DYM: variants seen among roughly 807,000 people sequenced by gnomAD.
The protein encoded by DYM is dyggve-Melchior-Clausen syndrome protein.
DYM carries 78 observed loss-of-function variants against 93.1 expected under a neutral mutation model. That is an observed-to-expected ratio of 0.84 (90% confidence interval 0.70 to 1.01). The LOEUF is 1.01. Ranked by LOEUF, DYM falls within the 50% of genes least tolerant of loss-of-function variation. The probability of loss-of-function intolerance (pLI) is 0.00; values close to 1 mark genes in which losing one functional copy is unlikely to be tolerated. For synonymous variants in DYM, 321 were observed against 319.7 expected, an observed-to-expected ratio of 1.00 and a Z score of -0.04; for missense variants, 789 against 845.0, an observed-to-expected ratio of 0.93 and a Z score of 0.82.
rs10445490 is a variant in DYM at position 49,283,848 on chromosome 18, G to T, written c.947-1673C>A. Reference sequence around the variant, plus strand: ...CTTCCTAAGCTTTACATTTGTGAGGGGAATGCACCAAAATGCCTTCAGGTT... The same window carrying T: ...CTTCCTAAGCTTTACATTTGTGAGGTGAATGCACCAAAATGCCTTCAGGTT... On this transcript the variant is annotated intron_variant, in intron 9 of 17. Coordinates refer to ENST00000675505, the MANE Select transcript of DYM (RefSeq NM_001353214.3). 3.3e-5 allele frequency among the ~76,000 whole-genome samples: 5 copies of T among 152,084 alleles called. No homozygotes were observed. The East Asian group carries it at 9.7e-4, about 29-fold the overall frequency.
intron 9 of DYM, among the ~76,000 whole-genome samples, chr18:49,284,400 A>G (rs979991994): frequency 1.3e-5 from 2 of 152,162 alleles, no homozygotes; most frequent in African/African-American, 2.4e-5. Context: ...ATTTTGCTTC[A>G]TTGTACTACA....
chr18:49,272,165 AATGGTAACTTACCACTTC>A lies in DYM; in HGVS notation c.1246_1251+12del. ...TGTTAACTCTAACTCTAATCCAAGT[AATGGTAACTTACCACTTC>A]ATGAATGGATCTGTTGAAGCCATCA... is the stretch of plus-strand genomic sequence containing the variant. On this transcript the variant is annotated splice_donor_variant and splice_donor_5th_base_variant and coding_sequence_variant and intron_variant, in exon 11 of 18. Transcript: ENST00000675505. LOFTEE classifies it high-confidence loss of function. 1.2e-6 allele frequency: 2 copies of A among 1,611,308 alleles called. No individual in the cohort carries two copies. The highest frequency in any genetic ancestry group is 2.2e-5 in the South Asian group (2 of 90,994).
At chr18:49,084,877 A>T (rs1422027964) in intron 17 of DYM, among the ~76,000 whole-genome samples, 2 of 152,224 alleles carry the variant, frequency 1.3e-5, no homozygotes, top group Non-Finnish European at 2.9e-5. Context: ...CAGATGGTAA[A>T]ATTATGAAGA....
chr18:49,123,359 T>C (rs1394293525), intron 15 of DYM, among the ~76,000 whole-genome samples: 1 of 152,200 alleles, frequency 6.6e-6, no homozygotes, highest in East Asian at 1.9e-4. Flanking sequence ...AAGACAGTAC[T>C]GGCCGGGTTT....
At chr18:49,050,529 G>A (rs1261868729) in intron 17 of DYM, among the ~76,000 whole-genome samples, 3 of 152,056 alleles carry the variant, frequency 2.0e-5, no homozygotes, top group East Asian at 1.9e-4. Context: ...CTGTAAGATC[G>A]TGCAGCACGT....
intron 2 of DYM, among the ~76,000 whole-genome samples, chr18:49,409,200 C>G (rs2071894199): frequency 1.3e-5 from 2 of 149,834 alleles, no homozygotes; most frequent in Admixed American, 1.3e-4. Context: ...AGGAGAATCA[C>G]TTGAACCTGG....
At chr18:49,441,578 A>G (rs1431904787) in intron 1 of DYM, among the ~76,000 whole-genome samples, 4 of 150,972 alleles carry the variant, frequency 2.6e-5, no homozygotes, top group Non-Finnish European at 5.9e-5. Context: ...ACAGTTGGGT[A>G]TTCCCCGCCC....
rs180741786 is a variant in DYM at position 49,103,072 on chromosome 18, C to A, written c.1912-5557G>T. ...TCCTATTTCTCCACACCCTCCCCAG[C>A]ACCTGTTGTTTCCTGACTTTTTAAT... is the stretch of plus-strand genomic sequence containing the variant. On this transcript the variant is annotated intron_variant, in intron 16 of 17. Coordinates refer to ENST00000675505, the MANE Select transcript of DYM (RefSeq NM_001353214.3). Among the ~76,000 whole-genome samples, 412 of 152,322 alleles carry A rather than the reference C, an allele frequency of 2.7e-3. 10 individuals carry two copies. Among genetic ancestry groups the A allele is most frequent in the Admixed American group, 0.022 (340 of 15,304 alleles).
intron 5 of DYM, among the ~76,000 whole-genome samples, chr18:49,366,914 G>C (rs1450222412): frequency 6.6e-6 from 1 of 152,038 alleles, no homozygotes; most frequent in Non-Finnish European, 1.5e-5. Flanking sequence ...ATTAGAGTAA[G>C]GGGCAGAAAC....
chr18:49,253,240 T>G (rs976099309), intron 13 of DYM, among the ~76,000 whole-genome samples: 1 of 152,256 alleles, frequency 6.6e-6, no homozygotes, highest in Non-Finnish European at 1.5e-5. Context: ...ATCATGTATA[T>G]GAAAACTGCT....
chr18:49,272,554 AAGGACCAT>A (rs2094733547), intron 10 of DYM, among the ~76,000 whole-genome samples: 1 of 152,158 alleles, frequency 6.6e-6, no homozygotes. Context: ...TTGGATCTGC[AAGGACCAT>A]TTAGGCTCGT....
chr18:49,324,430 T>C (rs1302991664), intron 8 of DYM, among the ~76,000 whole-genome samples: 1 of 152,206 alleles, frequency 6.6e-6, no homozygotes, highest in Non-Finnish European at 1.5e-5. Context: ...AATGGTACCA[T>C]AGTGATTGTT....
intron 1 of DYM, among the ~76,000 whole-genome samples, chr18:49,457,354 CTA>C (rs1428851283): frequency 6.6e-6 from 1 of 152,118 alleles, no homozygotes; most frequent in Non-Finnish European, 1.5e-5. Context: ...CACATATATA[CTA>C]TGTTTTAAGA....
Position 49,173,351 on chromosome 18 carries a change from G to C in DYM, c.1626-9564C>G, listed in dbSNP as rs1241107640. Among the ~76,000 whole-genome samples the C allele has an allele frequency of 2.0e-5, 3 of 152,062 alleles. No individual in the cohort carries two copies. In the East Asian group the frequency reaches 5.8e-4, roughly 29 times the overall value. ...CATTTTCTACCAAATCACCTGGTAA[G>C]GTTTTGATTAGGATTGTGTTCAACG... On this transcript the variant is annotated intron_variant, in intron 14 of 17. Transcript: ENST00000675505.
At chr18:49,393,079 AGAAG>A (rs2069526984) in intron 2 of DYM, among the ~76,000 whole-genome samples, 2 of 92,152 alleles carry the variant, frequency 2.2e-5, no homozygotes, top group African/African-American at 8.3e-5. Context: ...GGAGGAGGAA[AGAAG>A]GGAGGGAGGG....
intron 17 of DYM, 40 bp downstream of exon 17, chr18:49,097,362 A>G: frequency 6.3e-7 from 1 of 1,575,344 alleles, no homozygotes; most frequent in Non-Finnish European, 8.7e-7. Flanking sequence ...ACATCAAGGG[A>G]CACGGCAGTG....
intron 13 of DYM, among the ~76,000 whole-genome samples, chr18:49,228,138 TATAGTGCTTGGC>T (rs1203364075): frequency 5.9e-5 from 9 of 152,302 alleles, no homozygotes; most frequent in Non-Finnish European, 7.3e-5. Flanking sequence ...CTATACCCAC[TATAGTGCTTGGC>T]ATAAGAAACC....
intron 2 of DYM, among the ~76,000 whole-genome samples, chr18:49,393,093 GA>G (rs1480013176): frequency 0.63 from 7,614 of 12,122 alleles, 1,629 homozygotes; most frequent in East Asian, 0.72. Flanking sequence ...GGGAGGGAGG[GA>G]AGGAAGGAAG....
chr18:49,100,096 C>T (rs1040564896), intron 16 of DYM, among the ~76,000 whole-genome samples: 3 of 152,092 alleles, frequency 2.0e-5, no homozygotes, highest in African/African-American at 7.2e-5. Flanking sequence ...TCTCCTCCCT[C>T]GGGATATCTG....
Sources: gnomAD v4.1 joint callset for allele counts (sites outside exome capture counted in the v4.1 genomes callset) on GRCh38, gnomAD v4.1.1 for gene constraint, MANE v1.5 for transcripts, NCBI Gene and HGNC (gene_info 2026-07-23, HGNC 2026-07-21) for gene names.